DEUP1: variants seen among roughly 807,000 people sequenced by gnomAD.
The protein encoded by DEUP1 is deuterosome assembly protein 1, also known as coiled-coil domain containing 67.
Under a neutral mutation model 87.4 loss-of-function variants are expected in DEUP1, and 82 were observed. The ratio of observed to expected loss-of-function variants is 0.94; its 90% confidence interval spans 0.78 to 1.13. The LOEUF (loss-of-function observed/expected upper bound fraction) is 1.13, where lower values mean the gene tolerates loss of function less well. Ranked by LOEUF, DEUP1 falls within the 50% of genes most tolerant of loss-of-function variation. The pLI, the probability that DEUP1 is intolerant of heterozygous loss-of-function variation, is 0.00. For missense variants in DEUP1, 663 were observed against 681.5 expected, an observed-to-expected ratio of 0.97 and a Z score of 0.30; for synonymous variants, 214 against 222.7, an observed-to-expected ratio of 0.96 and a Z score of 0.35.
intron 2 of DEUP1, among the ~76,000 whole-genome samples, chr11:93,340,656 T>C (rs374422164): frequency 5.0e-4 from 76 of 152,254 alleles, no homozygotes; most frequent in Middle Eastern, 3.4e-3. Flanking sequence ...GTAGATCAGA[T>C]TGATAGATGT....
chr11:93,430,959 G>A (rs997513823), intron 13 of DEUP1, among the ~76,000 whole-genome samples: 1 of 151,988 alleles, frequency 6.6e-6, no homozygotes, highest in East Asian at 1.9e-4. Context: ...GGCTGGGCGT[G>A]GTGGCACATG....
Position 93,385,514 on chromosome 11 carries a change from G to C in DEUP1, c.906G>C (p.Glu302Asp). The change falls in exon 8 of 14, where the codon GAG (glutamate) becomes GAC (aspartate). Residue 302 changes from glutamate to aspartate, a missense_variant. Coordinates refer to ENST00000298050, the MANE Select transcript of DEUP1 (RefSeq NM_181645.4). ...QLHRELLKIG[E>D]CQNAQGNKTR... The stretch of plus-strand genomic sequence containing the variant: ...ACAGAGAATTATTAAAAATAGGAGA[G>C]TGCCAAAATGCTCAAGGAAATAAAA... 6.2e-7 allele frequency: 1 copy of C among 1,607,662 alleles called. No individual in the cohort carries two copies. Among genetic ancestry groups the C allele is most frequent in the Non-Finnish European group, 8.5e-7 (1 of 1,177,942 alleles).
intron 13 of DEUP1, among the ~76,000 whole-genome samples, chr11:93,435,407 A>T (rs1362431677): frequency 6.6e-6 from 1 of 152,218 alleles, no homozygotes; most frequent in African/African-American, 2.4e-5. Context: ...GGATCAAATC[A>T]TCCTGTCCAC....
At chr11:93,396,151 A>T in intron 10 of DEUP1, 88 bp from the exon 11 acceptor site, 1 of 792,064 alleles carries the variant, frequency 1.3e-6, no homozygotes, top group Non-Finnish European at 2.1e-6. Flanking sequence ...TACACTTAGA[A>T]AATATTTGTA....
chr11:93,396,836 T>C (rs1946960862), intron 11 of DEUP1, among the ~76,000 whole-genome samples: 1 of 152,114 alleles, frequency 6.6e-6, no homozygotes, highest in Non-Finnish European at 1.5e-5. Flanking sequence ...TCAATGAGTG[T>C]TGGTTGATTT....
chr11:93,415,795 A>C (rs1035345894), intron 13 of DEUP1, among the ~76,000 whole-genome samples: 2 of 151,872 alleles, frequency 1.3e-5, no homozygotes, highest in African/African-American at 4.8e-5. Context: ...CATCACCCAT[A>C]TTGTTTTATA....
chr11:93,433,959 T>C (rs1565357517), intron 13 of DEUP1, among the ~76,000 whole-genome samples: 3 of 152,180 alleles, frequency 2.0e-5, no homozygotes, highest in Non-Finnish European at 4.4e-5. Context: ...GAGGAGGGAC[T>C]GCAGCCTCCC....
At chr11:93,331,840 T>C (rs2134852979) in intron 1 of DEUP1, among the ~76,000 whole-genome samples, 1 of 152,114 alleles carries the variant, frequency 6.6e-6, no homozygotes, top group East Asian at 1.9e-4. Context: ...AGGTCAGGAG[T>C]TCGAGACCAG....
intron 11 of DEUP1, among the ~76,000 whole-genome samples, chr11:93,402,431 T>C (rs1487614901): frequency 6.6e-6 from 1 of 152,046 alleles, no homozygotes; most frequent in African/African-American, 2.4e-5. Flanking sequence ...GTATAGCACC[T>C]ATGGAGAACA....
intron 11 of DEUP1, among the ~76,000 whole-genome samples, chr11:93,404,680 G>A (rs1947216610): frequency 1.3e-5 from 2 of 151,974 alleles, no homozygotes; most frequent in Middle Eastern, 3.2e-3. Context: ...CTAATCTGTT[G>A]AAGTAAATGA....
intron 1 of DEUP1, 38 bp from the exon 2 acceptor site, chr11:93,332,178 A>G: frequency 7.4e-7 from 1 of 1,352,184 alleles, no homozygotes; most frequent in Non-Finnish European, 1.0e-6. Context: ...TAAAGAATAT[A>G]AACATTTTAG....
At chr11:93,397,226 A>G (rs775023645) in intron 11 of DEUP1, among the ~76,000 whole-genome samples, 1 of 152,186 alleles carries the variant, frequency 6.6e-6, no homozygotes, top group Non-Finnish European at 1.5e-5. Flanking sequence ...CTGTGATATT[A>G]TATACTTGTT....
chr11:93,364,071 CAA>C (rs1945301322), intron 4 of DEUP1, 87 bp from the exon 5 acceptor site: 2 of 976,114 alleles, frequency 2.0e-6, no homozygotes, highest in East Asian at 2.7e-5. Flanking sequence ...GACAAATTTT[CAA>C]AGAGGTACAC....
At chr11:93,350,964 T>TTA (rs944607216) in intron 2 of DEUP1, among the ~76,000 whole-genome samples, 49 of 148,792 alleles carry the variant, frequency 3.3e-4, no homozygotes, top group African/African-American at 1.1e-3. Flanking sequence ...TCAAAAAAAA[T>TTA]TATATATATA....
intron 13 of DEUP1, among the ~76,000 whole-genome samples, chr11:93,417,438 A>C (rs1947683869): frequency 6.6e-6 from 1 of 152,102 alleles, no homozygotes; most frequent in Non-Finnish European, 1.5e-5. Context: ...CAATTGCTTC[A>C]AAGATAATAA....
intron 13 of DEUP1, among the ~76,000 whole-genome samples, chr11:93,416,090 G>A (rs1217158589): frequency 2.0e-5 from 3 of 152,126 alleles, no homozygotes; most frequent in South Asian, 4.1e-4. Flanking sequence ...TCCTGTAGGA[G>A]CCAATGAATA....
chr11:93,437,743 T>TGGG lies in DEUP1; in HGVS notation c.*24_*25insGGG. 1.1e-6 allele frequency: 1 copy of TGGG among 927,184 alleles called. No homozygotes were observed. Among genetic ancestry groups the TGGG allele is most frequent in the African/African-American group, 2.0e-5 (1 of 49,980 alleles). The allele number at this position is 927,184 out of a possible 1,614,324, so 57.4% of individuals were successfully genotyped here. ...GAGCTTTTAAACTTTTTTATTTGCT[T>TGGG]CCCCCCCCCACCCCCGCCAAGAAAA... On this transcript the variant is annotated 3_prime_UTR_variant, in exon 14 of 14. Transcript: ENST00000298050.
intron 11 of DEUP1, among the ~76,000 whole-genome samples, chr11:93,401,254 T>C (rs940690142): frequency 5.3e-5 from 8 of 152,084 alleles, no homozygotes; most frequent in African/African-American, 1.7e-4. Flanking sequence ...GAAAGATATA[T>C]ACAAGGAAAA....
At chr11:93,403,150 A>T (rs535972623) in intron 11 of DEUP1, among the ~76,000 whole-genome samples, 1 of 152,036 alleles carries the variant, frequency 6.6e-6, no homozygotes, top group Non-Finnish European at 1.5e-5. Flanking sequence ...ATAAAAGAAG[A>T]ATTTAAAATC....
Sources: allele counts gnomAD v4.1 joint callset (sites outside exome capture counted in the v4.1 genomes callset), GRCh38; gene constraint gnomAD v4.1.1; transcripts MANE v1.5; gene names NCBI Gene and HGNC (gene_info 2026-07-23, HGNC 2026-07-21).